Variants in TNFRSF8 observed in about 807,000 individuals in gnomAD.
The protein encoded by TNFRSF8 is tumor necrosis factor receptor superfamily member 8.
A neutral mutation model predicts 70.8 loss-of-function variants in TNFRSF8; 26 were observed. The observed-to-expected ratio is 0.37, with a 90% CI of 0.27 to 0.51. The LOEUF (loss-of-function observed/expected upper bound fraction) is 0.51. Among genes scored for constraint, TNFRSF8 ranks in the 20% least tolerant of loss-of-function variants. The pLI is 0.94. For synonymous variants in TNFRSF8, 356 were observed against 339.2 expected (o/e 1.05, Z -0.54); for missense variants, 720 against 807.9 (o/e 0.89, Z 1.32).
chr1:12,134,359 G>T (rs11569927), intron 12 of TNFRSF8, among the ~76,000 whole-genome samples: 7,061 of 152,272 alleles, frequency 0.046, 539 homozygotes, highest in African/African-American at 0.16. Context: ...CCTGGAGGAT[G>T]GTCTGCTCTG....
chr1:12,143,314 C>T lies in TNFRSF8; in HGVS notation c.*783C>T, dbSNP rs943455301. 3 of 152,274 alleles carry T rather than the reference C, an allele frequency of 2.0e-5. No homozygotes were observed. Among genetic ancestry groups the T allele is most frequent in the Non-Finnish European group, 1.5e-5 (1 of 68,092 alleles). The allele number at this position is 152,274 out of a possible 1,614,324, so 9.4% of individuals were successfully genotyped here. A position where few individuals can be genotyped will look rare whatever the true frequency, so the allele number is the denominator to read the frequency against. The stretch of plus-strand genomic sequence containing the variant: ...GCCTCGGGTCCCAGATGTCTGCAGC[C>T]CTCAGCAGCTGCAGACCGCCCCTCA... On this transcript the variant is annotated 3_prime_UTR_variant, in exon 15 of 15. Transcript: ENST00000263932. The surrounding 1 kb of genome is among the most constrained non-coding windows in gnomAD (Gnocchi z 4.1).
At chr1:12,103,208 C>T (rs1641454138) in intron 3 of TNFRSF8, among the ~76,000 whole-genome samples, 1 of 151,890 alleles carries the variant, frequency 6.6e-6, no homozygotes, top group Admixed American at 6.6e-5. Flanking sequence ...TATAAAAATA[C>T]AAAAAATTAG....
chr1:12,129,699 C>T (rs1642011605), intron 12 of TNFRSF8, among the ~76,000 whole-genome samples: 1 of 152,134 alleles, frequency 6.6e-6, no homozygotes, highest in East Asian at 1.9e-4. Context: ...ATGATGCTGG[C>T]CTCTTCTCTC....
At position 12,120,465 on chromosome 1, in the gene TNFRSF8, T is replaced by C. The variant is rs542489833; in HGVS notation, c.947-2819T>C. 3.3e-5 allele frequency among the ~76,000 whole-genome samples: 5 copies of C among 152,156 alleles called. No individual in the cohort carries two copies. In the East Asian group the frequency reaches 9.7e-4, roughly 29 times the overall value. On this transcript the variant is annotated intron_variant, in intron 8 of 14. Coordinates refer to ENST00000263932, the MANE Select transcript of TNFRSF8 (RefSeq NM_001243.5). ...TATCAACAAGAAAAAGAAAGGCAAT[T>C]GAAAACTCCCGGGAAAAGAAAAAGA...
At chr1:12,126,311 T>C in intron 12 of TNFRSF8, 75 bp downstream of exon 12, 5 of 1,556,638 alleles carry the variant, frequency 3.2e-6, no homozygotes, top group Non-Finnish European at 4.4e-6. Flanking sequence ...GGGCGTGGGC[T>C]CCAGAGACTG....
chr1:12,102,141 CGCTG>C (rs1641434423), intron 3 of TNFRSF8, among the ~76,000 whole-genome samples: 1 of 152,138 alleles, frequency 6.6e-6, no homozygotes, highest in Admixed American at 6.5e-5. Flanking sequence ...TCTTCCTTGG[CGCTG>C]GTTTTCCTCT....
At chr1:12,136,469 T>A (rs591598) in intron 13 of TNFRSF8, among the ~76,000 whole-genome samples, 90,734 of 151,728 alleles carry the variant, frequency 0.6, 27,610 homozygotes, top group Admixed American at 0.68. Context: ...GCCAACATAG[T>A]GAAACCCCGT....
chr1:12,097,091 CT>C lies in TNFRSF8; in HGVS notation c.152-6del. On this transcript the variant is annotated splice_polypyrimidine_tract_variant and intron_variant, in intron 2 of 14. Coordinates refer to ENST00000263932, the MANE Select transcript of TNFRSF8 (RefSeq NM_001243.5). ...AGCCTGGCTTGGAGCTTCTCTGTTT[CT>C]TTTCCCAGGGCTGTTCCCGACACAG... 6.2e-7 allele frequency: 1 copy of C among 1,612,030 alleles called. No individual in the cohort carries two copies. Among genetic ancestry groups the C allele is most frequent in the Non-Finnish European group, 8.5e-7 (1 of 1,178,528 alleles).
At chr1:12,079,029 G>T (rs561070195) in intron 1 of TNFRSF8, among the ~76,000 whole-genome samples, 1 of 152,288 alleles carries the variant, frequency 6.6e-6, no homozygotes, top group African/African-American at 2.4e-5. Flanking sequence ...AGGAGACAGG[G>T]AGGGGAGGGG....
chr1:12,126,467 G>A (rs188392477), intron 12 of TNFRSF8, among the ~76,000 whole-genome samples: 25 of 152,322 alleles, frequency 1.6e-4, no homozygotes, highest in Admixed American at 3.9e-4. Flanking sequence ...TGTGTGGCTT[G>A]CCCAGAGCAG....
chr1:12,084,476 G>A lies in TNFRSF8; in HGVS notation c.76G>A (p.Glu26Lys). Reference protein sequence around the residue: ...LRAFPQDRPFEDTCHGNPSHY... With the variant: ...LRAFPQDRPFKDTCHGNPSHY... ...TCTGACCTGCCAGGATCGACCCTTC[G>A]AGGACACCTGTCATGGAAACCCCAG... Residue 26 changes from glutamate to lysine, a missense_variant, in exon 2 of 15, where the codon GAG (glutamate) becomes AAG (lysine). By Grantham distance (56) the Glu-to-Lys change is moderately conservative. Transcript: ENST00000263932. The A allele has an allele frequency of 2.5e-6, 4 of 1,613,904 alleles. No individual in the cohort carries two copies. The highest frequency in any genetic ancestry group is 1.7e-4 in the Middle Eastern group (1 of 6,060).
chr1:12,140,620 C>G (rs924773095), intron 14 of TNFRSF8, among the ~76,000 whole-genome samples: 3 of 152,206 alleles, frequency 2.0e-5, no homozygotes, highest in African/African-American at 7.2e-5. Context: ...TTCCAGACCC[C>G]TCTTTCACTT....
intron 12 of TNFRSF8, among the ~76,000 whole-genome samples, chr1:12,131,450 AAAACAAAC>A (rs928397317): frequency 6.6e-6 from 1 of 152,206 alleles, no homozygotes; most frequent in Non-Finnish European, 1.5e-5. Context: ...CCTCCGTCTC[AAAACAAAC>A]AAACAAACAA....
intron 1 of TNFRSF8, among the ~76,000 whole-genome samples, chr1:12,075,099 C>A (rs1045555654): frequency 2.4e-4 from 37 of 152,050 alleles, no homozygotes; most frequent in Non-Finnish European, 4.4e-4. Context: ...CAAAGCTTAG[C>A]CAGGTGTGGT....
chr1:12,104,885 C>T (rs1024043395), intron 4 of TNFRSF8, among the ~76,000 whole-genome samples: 3 of 152,166 alleles, frequency 2.0e-5, no homozygotes, highest in African/African-American at 7.2e-5. Flanking sequence ...GGGTTGGCTT[C>T]CCCCTTTCAG....
At position 12,104,464 on chromosome 1, in the gene TNFRSF8, C is replaced by T. The variant is rs147117912; in HGVS notation, c.354C>T (p.Ala118=). The change falls in exon 4 of 15, where the codon GCC becomes GCT. Residue 118 remains alanine, a synonymous_variant. Coordinates refer to ENST00000263932, the MANE Select transcript of TNFRSF8 (RefSeq NM_001243.5). Reference sequence around the variant, plus strand: ...CCGGCATGTTCTGTTCCACGTCTGCCGTCAACTCCTGTGCCCGCTGCTTCT... The same window carrying T: ...CCGGCATGTTCTGTTCCACGTCTGCTGTCAACTCCTGTGCCCGCTGCTTCT... ...CRPGMFCSTS[A]VNSCARCFFH... is the part of the protein sequence containing the mutation. The T allele has an allele frequency of 1.2e-4, 195 of 1,614,142 alleles. No individual in the cohort carries two copies. The African/African-American group carries it at 2.1e-3, about 17-fold the overall frequency.
rs1400834494 is a variant in TNFRSF8 at position 12,110,849 on chromosome 1, C to T, written c.676+645C>T. On this transcript the variant is annotated intron_variant, in intron 6 of 14. Transcript: ENST00000263932. The surrounding 1 kb of genome is among the most constrained non-coding windows in gnomAD (Gnocchi z 4.0). ...CCGACCTCAGGTGATCCGCCCACCTCGGCCTCCCAAAGTGCTGGGAGGATT... is the reference window on the plus strand; with the variant it reads ...CCGACCTCAGGTGATCCGCCCACCTTGGCCTCCCAAAGTGCTGGGAGGATT... Among the ~76,000 whole-genome samples the T allele has an allele frequency of 9.6e-5, 13 of 135,380 alleles. No individual in the cohort carries two copies. The highest frequency in any genetic ancestry group is 5.1e-4 in the South Asian group (2 of 3,916). 88.8% of individuals were successfully genotyped at this position (135,380 alleles called of 152,430 possible).
intron 1 of TNFRSF8, among the ~76,000 whole-genome samples, chr1:12,064,726 T>G (rs1048301470): frequency 6.6e-6 from 1 of 152,110 alleles, no homozygotes; most frequent in Non-Finnish European, 1.5e-5. Context: ...AAGGAGGAAC[T>G]ATGCCCTCTT....
At chr1:12,111,471 C>T (rs979307719) in intron 6 of TNFRSF8, among the ~76,000 whole-genome samples, 1 of 152,114 alleles carries the variant, frequency 6.6e-6, no homozygotes, top group African/African-American at 2.4e-5. Context: ...CGTGAGCCAC[C>T]GCGCCCGGCC....
Sources: gnomAD v4.1 joint callset for allele counts (sites outside exome capture counted in the v4.1 genomes callset) on GRCh38, gnomAD v4.1.1 for gene constraint, Gnocchi (gnomAD v3.1) non-coding constraint, MANE v1.5 for transcripts, NCBI Gene and HGNC (gene_info 2026-07-23, HGNC 2026-07-21) for gene names.